CLPTM1: variants seen among roughly 807,000 people sequenced by gnomAD.
The protein encoded by CLPTM1 is CLPTM1 regulator of GABA type A receptor forward trafficking, also known as putative lipid scramblase CLPTM1.
A neutral mutation model predicts 77.3 loss-of-function variants in CLPTM1; 21 were observed. That is an observed-to-expected ratio of 0.27 (90% CI 0.19 to 0.39). The LOEUF is 0.39. Among genes scored for constraint, CLPTM1 ranks in the 10% least tolerant of loss-of-function variants. The pLI is 1.00. For missense variants in CLPTM1, 642 were observed against 921.2 expected, an observed-to-expected ratio of 0.70 and a Z score of 3.92; for synonymous variants, 373 against 381.0, an observed-to-expected ratio of 0.98 and a Z score of 0.24.
At chr19:44,962,197 T>C (rs1003557030) in intron 2 of CLPTM1, 122 bp downstream of exon 2, 85 of 473,484 alleles carry the variant, frequency 1.8e-4, no homozygotes, top group Non-Finnish European at 2.2e-5. Context: ...TTGCTTTTTT[T>C]CTTTTTTTTT....
chr19:44,978,255 A>G (rs968600867), intron 5 of CLPTM1, among the ~76,000 whole-genome samples: 27 of 151,816 alleles, frequency 1.8e-4, no homozygotes, highest in African/African-American at 6.3e-4. Context: ...AAATACAAAA[A>G]TTAGCTGGGT....
chr19:44,971,326 T>C (rs1276626170), intron 2 of CLPTM1, among the ~76,000 whole-genome samples: 1 of 149,952 alleles, frequency 6.7e-6, no homozygotes, highest in Non-Finnish European at 1.5e-5. Context: ...TATGTATAAT[T>C]ACAAATATAA....
chr19:44,967,063 G>C (rs1040116479), intron 2 of CLPTM1, among the ~76,000 whole-genome samples: 1 of 152,106 alleles, frequency 6.6e-6, no homozygotes, highest in African/African-American at 2.4e-5. Context: ...GGATAGTCTC[G>C]ATCTCCTGAC....
At position 44,993,216 on chromosome 19, in the gene CLPTM1, T is replaced by A. The variant is rs1230913819; in HGVS notation, c.*319T>A. 1 of 549,938 alleles carries A rather than the reference T, an allele frequency of 1.8e-6. No homozygotes were observed. 34.1% of individuals were successfully genotyped at this position (549,938 alleles called of 1,614,324 possible). ...GGGCGGGGGTGGGGCCGGGCCCCCCTACGGGATGCCCACGGCCGTTCATCA... is the reference window on the plus strand; with the variant it reads ...GGGCGGGGGTGGGGCCGGGCCCCCCAACGGGATGCCCACGGCCGTTCATCA... On this transcript the variant is annotated 3_prime_UTR_variant, in exon 14 of 14. Coordinates refer to ENST00000337392, the MANE Select transcript of CLPTM1 (RefSeq NM_001294.4).
Position 44,964,298 on chromosome 19 carries a change from C to CTTTTTTTTTTTTTT in CLPTM1, c.185+2240_185+2253dup, listed in dbSNP as rs35539206. On this transcript the variant is annotated intron_variant, in intron 2 of 13. Transcript: ENST00000337392. Reference sequence around the variant, plus strand: ...TTTTAACCTATGTTTTCATTTTAACCTTTTTTTTTTTTTTTTTTTTTTTTT... The same window carrying CTTTTTTTTTTTTTT: ...TTTTAACCTATGTTTTCATTTTAACCTTTTTTTTTTTTTTTTTTTTTTTTTTTTTTTTTTTTTTT... Among the ~76,000 whole-genome samples, 18 of 68,154 alleles carry CTTTTTTTTTTTTTT rather than the reference C, an allele frequency of 2.6e-4. 1 individual carries two copies. The highest frequency in any genetic ancestry group is 9.2e-4 in the East Asian group (2 of 2,178). The allele number at this position is 68,154 out of a possible 152,430, so 44.7% of individuals were successfully genotyped here. A position where few individuals can be genotyped will look rare whatever the true frequency, so the allele number is the denominator to read the frequency against.
Position 44,990,383 on chromosome 19 carries a change from C to G in CLPTM1, c.1133-12C>G. The G allele has an allele frequency of 1.2e-6, 2 of 1,613,434 alleles. No homozygotes were observed. The highest frequency in any genetic ancestry group is 1.7e-6 in the Non-Finnish European group (2 of 1,179,522). On this transcript the variant is annotated splice_polypyrimidine_tract_variant and intron_variant, in intron 9 of 13. Transcript: ENST00000337392. This position sits in a 1 kb window ranked among gnomAD's most constrained non-coding sequence, Gnocchi z 4.8. ...CTCAGCCTCCTGGTTCCCCCCTACC[C>G]CCTGCGCACAGATATCCAGTTCTGG... is the stretch of plus-strand genomic sequence containing the variant.
At chr19:44,970,249 C>T (rs1419567339) in intron 2 of CLPTM1, among the ~76,000 whole-genome samples, 5 of 146,858 alleles carry the variant, frequency 3.4e-5, no homozygotes, top group Non-Finnish European at 5.9e-5. Flanking sequence ...TTGCATACTT[C>T]GCCCTGCATA....
Position 44,986,434 on chromosome 19 carries a change from C to T in CLPTM1, c.673-21C>T, listed in dbSNP as rs1312252635. 5 of 1,612,490 alleles carry T rather than the reference C, an allele frequency of 3.1e-6. No individual in the cohort carries two copies. In the African/African-American group the frequency reaches 6.7e-5, roughly 22 times the overall value. ...AGCACTTCCACCTGCCTCTGAGGTC[C>T]TTCCCCCCATGTTGCCTCAGAGGGC... On this transcript the variant is annotated intron_variant, in intron 6 of 13. Transcript: ENST00000337392.
upstream of CLPTM1, chr19:44,954,594 C>G (rs928417493): frequency 2.9e-6 from 3 of 1,021,412 alleles, no homozygotes; most frequent in Middle Eastern, 4.9e-4. Flanking sequence ...CCTCTCCAAA[C>G]TAAGGGTCTC....
chr19:44,955,531 G>A, intron 1 of CLPTM1, 64 bp downstream of exon 1: 3 of 1,238,350 alleles, frequency 2.4e-6, no homozygotes, highest in Non-Finnish European at 3.1e-6. Context: ...CACGGGGCGT[G>A]TCCTACCTCT....
chr19:44,978,808 T>A (rs1970846148), intron 5 of CLPTM1, among the ~76,000 whole-genome samples: 1 of 149,816 alleles, frequency 6.7e-6, no homozygotes, highest in East Asian at 2.0e-4. Flanking sequence ...GGGGATTAAG[T>A]TTCACTGGGA....
chr19:44,985,410 C>T (rs1970962357), intron 6 of CLPTM1, 107 bp downstream of exon 6: 7 of 765,786 alleles, frequency 9.1e-6, no homozygotes, highest in African/African-American at 3.5e-5. Context: ...ACCACCATGC[C>T]GGCTCGGTCA....
At chr19:44,966,791 G>A (rs1338262658) in intron 2 of CLPTM1, among the ~76,000 whole-genome samples, 13 of 151,232 alleles carry the variant, frequency 8.6e-5, no homozygotes, top group East Asian at 3.9e-4. Context: ...GTTGTTCAAC[G>A]TGGAAAAAAA....
intron 1 of CLPTM1, among the ~76,000 whole-genome samples, chr19:44,960,123 C>G (rs2122235047): frequency 6.6e-6 from 1 of 152,214 alleles, no homozygotes; most frequent in Non-Finnish European, 1.5e-5. Flanking sequence ...TTTCCCTTCC[C>G]CAGCCGACCC....
intron 5 of CLPTM1, 148 bp from the exon 6 acceptor site, chr19:44,985,070 C>T: frequency 1.7e-6 from 1 of 588,032 alleles, no homozygotes; most frequent in Non-Finnish European, 3.1e-6. Flanking sequence ...GCAGTTCTGG[C>T]ATTCCAGGTC....
rs773143592 is a variant in CLPTM1, at chr19:44,974,613, G to C, written c.468+16G>C. Reference sequence around the variant, plus strand: ...TATCCCACAGGTGGGGGCAGCTCTCGGTTTCTGGCCCCATGGCTGCTTGAC... The same window carrying C: ...TATCCCACAGGTGGGGGCAGCTCTCCGTTTCTGGCCCCATGGCTGCTTGAC... On this transcript the variant is annotated intron_variant, in intron 4 of 13. Coordinates refer to ENST00000337392, the MANE Select transcript of CLPTM1 (RefSeq NM_001294.4). 7 of 1,608,684 alleles carry C rather than the reference G, an allele frequency of 4.4e-6. No individual in the cohort carries two copies. Among genetic ancestry groups the C allele is most frequent in the Admixed American group, 3.4e-5 (2 of 59,424 alleles).
chr19:44,968,252 C>T (rs932619818), intron 2 of CLPTM1, among the ~76,000 whole-genome samples: 2 of 152,074 alleles, frequency 1.3e-5, no homozygotes, highest in African/African-American at 4.8e-5. Flanking sequence ...GGTTTGTTTT[C>T]AGGGGCCCAT....
chr19:44,962,930 CAGG>C (rs1022032542), intron 2 of CLPTM1, among the ~76,000 whole-genome samples: 2 of 151,878 alleles, frequency 1.3e-5, no homozygotes, highest in Non-Finnish European at 2.9e-5. Flanking sequence ...GAGGCTGAGA[CAGG>C]AGAATGGCGT....
chr19:44,992,430 C>T lies in CLPTM1; in HGVS notation c.1723+30C>T, dbSNP rs376572435. 3.1e-6 allele frequency: 5 copies of T among 1,613,308 alleles called. No individual in the cohort carries two copies. In the African/African-American group the frequency reaches 5.3e-5, roughly 17 times the overall value. ...GGCCCGGTGGGCAGGTGGGAGCTCCCACCGGAACAGGGCCCTGAGGCAGTC... is the reference window on the plus strand; with the variant it reads ...GGCCCGGTGGGCAGGTGGGAGCTCCTACCGGAACAGGGCCCTGAGGCAGTC... On this transcript the variant is annotated intron_variant, in intron 13 of 13. Coordinates refer to ENST00000337392, the MANE Select transcript of CLPTM1 (RefSeq NM_001294.4). This position sits in a 1 kb window ranked among gnomAD's most constrained non-coding sequence, Gnocchi z 7.7.
Sources: gnomAD v4.1 joint callset for allele counts (sites outside exome capture counted in the v4.1 genomes callset) on GRCh38, gnomAD v4.1.1 for gene constraint, Gnocchi (gnomAD v3.1) non-coding constraint, MANE v1.5 for transcripts, NCBI Gene and HGNC (gene_info 2026-07-23, HGNC 2026-07-21) for gene names.